AFF2: variants seen among roughly 807,000 people sequenced by gnomAD.
AFF2 encodes the protein AF4/FMR2 family member 2.
AFF2 carries 14 observed loss-of-function variants against 76.9 expected under a neutral mutation model. The observed-to-expected ratio is 0.18, with a 90% CI of 0.12 to 0.28. AFF2 has a LOEUF of 0.28. AFF2 is among the 10% of genes least tolerant of loss of function. AFF2 has a pLI of 1.00. For missense variants in AFF2, 868 were observed against 1,001.1 expected (o/e 0.87, Z 1.79); for synonymous variants, 398 against 366.7 (o/e 1.09, Z -0.98).
intron 3 of AFF2, among the ~76,000 whole-genome samples, chrX:148,663,737 A>G (rs1200803001): frequency 1.8e-5 from 2 of 111,946 alleles, no homozygotes; most frequent in East Asian, 2.8e-4. Flanking sequence ...CTTACTCAAT[A>G]GGAGTGACAG....
chrX:148,913,399 AG>A (rs1376263789), intron 9 of AFF2, among the ~76,000 whole-genome samples: 1 of 112,703 alleles, frequency 8.9e-6, no homozygotes, highest in Admixed American at 9.4e-5. Context: ...TCAGATTTGC[AG>A]GTTCTTTAAC....
At chrX:148,607,239 A>G (rs1379280021) in intron 1 of AFF2, among the ~76,000 whole-genome samples, 1 of 111,521 alleles carries the variant, frequency 9.0e-6, no homozygotes, top group Non-Finnish European at 1.9e-5. Flanking sequence ...GAATAGAGAT[A>G]TAAAATTATT....
intron 8 of AFF2, among the ~76,000 whole-genome samples, chrX:148,899,300 A>G (rs1557280648): frequency 2.7e-5 from 3 of 112,109 alleles, no homozygotes; most frequent in African/African-American, 9.7e-5. Flanking sequence ...TGCTGTCAGT[A>G]TATGTCTCTT....
Position 148,638,407 on chromosome X carries a change from G to A in AFF2, c.48-13592G>A, listed in dbSNP as rs934775659. 2.7e-5 allele frequency among the ~76,000 whole-genome samples: 3 copies of A among 110,781 alleles called. No individual in the cohort carries two copies. In the South Asian group the frequency reaches 1.2e-3, roughly 43 times the overall value. ...CCACACTTGAAAACCATCAGATCTT[G>A]TGAGAACTCCCTCACAATCATGAGA... On this transcript the variant is annotated intron_variant, in intron 1 of 20. Transcript: ENST00000370460.
intron 3 of AFF2, among the ~76,000 whole-genome samples, chrX:148,746,745 T>C (rs995824770): frequency 8.9e-6 from 1 of 112,763 alleles, no homozygotes; most frequent in African/African-American, 3.2e-5. Flanking sequence ...AGCTTTCTAA[T>C]AGAGGGATGA....
rs1348470494 is a variant in AFF2, at chrX:148,993,304, C to A, written c.*1972C>A. 1 of 112,695 alleles carries A rather than the reference C, an allele frequency of 8.9e-6. No individual in the cohort carries two copies. Among genetic ancestry groups the A allele is most frequent in the Non-Finnish European group, 1.9e-5 (1 of 53,321 alleles). 9.3% of individuals were successfully genotyped at this position (112,695 alleles called of 1,213,427 possible). A position where few individuals can be genotyped will look rare whatever the true frequency, so the allele number is the denominator to read the frequency against. ...ACTCACAAATGAAACCTGAAAGAAT[C>A]TTTTCTGAGCCTCTTAAAAGAGGAA... On this transcript the variant is annotated 3_prime_UTR_variant, in exon 21 of 21. Transcript: ENST00000370460.
At chrX:148,522,248 A>G in intron 1 of AFF2, among the ~76,000 whole-genome samples, 1 of 112,803 alleles carries the variant, frequency 8.9e-6, no homozygotes, top group East Asian at 2.8e-4. Context: ...TTGCAGGTGT[A>G]CAGCTCACTA....
At chrX:148,535,640 T>C (rs2052776149) in intron 1 of AFF2, among the ~76,000 whole-genome samples, 2 of 112,766 alleles carry the variant, frequency 1.8e-5, no homozygotes, top group South Asian at 7.2e-4. Flanking sequence ...TTTATTAACA[T>C]TTGTTAATTC....
chrX:148,918,931 G>A (rs782340475), intron 9 of AFF2, among the ~76,000 whole-genome samples: 4 of 111,778 alleles, frequency 3.6e-5, no homozygotes, highest in African/African-American at 9.8e-5. Flanking sequence ...GGAGAGAAAC[G>A]AACCCCCTGT....
intron 1 of AFF2, among the ~76,000 whole-genome samples, chrX:148,606,807 A>T (rs2053677161): frequency 1.8e-5 from 2 of 111,932 alleles, no homozygotes. Flanking sequence ...ACAGCATAGG[A>T]GACTCACACA....
intron 3 of AFF2, among the ~76,000 whole-genome samples, chrX:148,677,378 CA>C (rs1356405188): frequency 9.0e-6 from 1 of 111,501 alleles, no homozygotes; most frequent in Admixed American, 9.5e-5. Flanking sequence ...AAGCTATGTA[CA>C]AAAAATGATC....
intron 3 of AFF2, among the ~76,000 whole-genome samples, chrX:148,794,077 C>T (rs985636773): frequency 3.6e-5 from 4 of 112,281 alleles, no homozygotes; most frequent in Non-Finnish European, 1.9e-5. Context: ...GCCTCTGCTG[C>T]ACCTGTAGTA....
chrX:148,758,569 T>G, intron 3 of AFF2, among the ~76,000 whole-genome samples: 1 of 112,015 alleles, frequency 8.9e-6, no homozygotes, highest in Admixed American at 9.5e-5. Context: ...CAAAACAGAA[T>G]CATAATGAGT....
intron 7 of AFF2, among the ~76,000 whole-genome samples, chrX:148,872,681 C>T (rs781956279): frequency 8.9e-6 from 1 of 112,173 alleles, no homozygotes; most frequent in Non-Finnish European, 1.9e-5. Context: ...GCTTAAACAA[C>T]AAACACTTGT....
chrX:148,899,545 G>A (rs1557280666), intron 8 of AFF2, among the ~76,000 whole-genome samples: 1 of 111,975 alleles, frequency 8.9e-6, no homozygotes, highest in East Asian at 2.8e-4. Flanking sequence ...TTGTTTTTCT[G>A]TCTTTTTCCA....
chrX:148,888,485 A>G (rs782339021), intron 8 of AFF2, among the ~76,000 whole-genome samples: 120 of 112,337 alleles, frequency 1.1e-3, no homozygotes, highest in African/African-American at 3.6e-3. Context: ...AGATTTGTAT[A>G]TAAGTTTCAC....
intron 1 of AFF2, among the ~76,000 whole-genome samples, chrX:148,585,662 AC>A (rs1557245782): frequency 9.2e-6 from 1 of 108,393 alleles, no homozygotes; most frequent in Non-Finnish European, 1.9e-5. Flanking sequence ...ACATGGTGAA[AC>A]CCCCTCTCTA....
chrX:148,614,758 C>CT (rs782235288), intron 1 of AFF2, among the ~76,000 whole-genome samples: 74 of 37,917 alleles, frequency 2.0e-3, no homozygotes, highest in African/African-American at 4.4e-3. Context: ...TTCTTTCTTT[C>CT]TTTCTTTCTT....
chrX:148,832,308 A>G (rs1292541829), intron 4 of AFF2, among the ~76,000 whole-genome samples: 6 of 112,436 alleles, frequency 5.3e-5, no homozygotes, highest in Admixed American at 4.7e-4. Context: ...TTTCCTGTGA[A>G]AATATTGATA....
Sources: gnomAD v4.1 joint callset for allele counts (sites outside exome capture counted in the v4.1 genomes callset) on GRCh38, gnomAD v4.1.1 for gene constraint, MANE v1.5 for transcripts, NCBI Gene and HGNC (gene_info 2026-07-23, HGNC 2026-07-21) for gene names.